PSMF1: variants seen among roughly 807,000 people sequenced by gnomAD.
PSMF1 encodes proteasome inhibitor subunit 1, also known as proteasome inhibitor PI31 subunit.
Under a neutral mutation model 29.3 loss-of-function variants are expected in PSMF1, and 30 were observed. The observed-to-expected ratio is 1.02, with a 90% CI of 0.77 to 1.39. PSMF1 has a LOEUF of 1.39. Among genes scored for constraint, PSMF1 ranks in the 40% most tolerant of loss-of-function variants. The probability of loss-of-function intolerance (pLI) is 0.00; values close to 1 mark genes in which losing one functional copy is unlikely to be tolerated. For synonymous variants in PSMF1, 134 were observed against 139.7 expected (o/e 0.96, Z 0.29); for missense variants, 344 against 357.5 (o/e 0.96, Z 0.31).
intron 4 of PSMF1, among the ~76,000 whole-genome samples, chr20:1,149,478 C>T (rs1158581853): frequency 6.6e-6 from 1 of 152,314 alleles, no homozygotes; most frequent in East Asian, 1.9e-4. Context: ...AATATCATTG[C>T]TAATTTTTGC....
At position 1,164,599 on chromosome 20, in the gene PSMF1, G is replaced by A; in HGVS notation, c.764+123G>A. 7.4e-7 allele frequency: 1 copy of A among 1,347,178 alleles called. No homozygotes were observed. The highest frequency in any genetic ancestry group is 1.0e-6 in the Non-Finnish European group (1 of 979,306). 83.5% of individuals were successfully genotyped at this position (1,347,178 alleles called of 1,614,324 possible). A position where few individuals can be genotyped will look rare whatever the true frequency, so the allele number is the denominator to read the frequency against. ...CGCTGCCTTCACCTGTTGCTGCCAGGAGAGTGGAGCCTCCTCCAGGGCCCT... is the reference window on the plus strand; with the variant it reads ...CGCTGCCTTCACCTGTTGCTGCCAGAAGAGTGGAGCCTCCTCCAGGGCCCT... On this transcript the variant is annotated intron_variant, in intron 6 of 6. Coordinates refer to ENST00000335877, the MANE Select transcript of PSMF1 (RefSeq NM_006814.5). This position sits in a 1 kb window ranked among gnomAD's most constrained non-coding sequence, Gnocchi z 4.1.
rs573948300 is a variant in PSMF1 at position 1,148,980 on chromosome 20, A to G, written c.551+13674A>G. On this transcript the variant is annotated intron_variant, in intron 4 of 6. Coordinates refer to ENST00000335877, the MANE Select transcript of PSMF1 (RefSeq NM_006814.5). ...AAATAAGCCCATTATGTGTTAATAT[A>G]AATAACAAATTCCTGTGAAAATATC... Among the ~76,000 whole-genome samples, 3 of 152,212 alleles carry G rather than the reference A, an allele frequency of 2.0e-5. No homozygotes were observed. The South Asian group carries it at 6.2e-4, about 32-fold the overall frequency.
At chr20:1,137,224 T>C (rs983161918) in intron 4 of PSMF1, among the ~76,000 whole-genome samples, 2 of 152,108 alleles carry the variant, frequency 1.3e-5, no homozygotes, top group African/African-American at 4.8e-5. Context: ...ATTGTGAAAG[T>C]AAAAATCCTA....
intron 4 of PSMF1, among the ~76,000 whole-genome samples, chr20:1,154,846 G>C (rs1160376196): frequency 1.3e-5 from 2 of 152,292 alleles, no homozygotes; most frequent in East Asian, 3.9e-4. Flanking sequence ...ACCACAGCTG[G>C]CACTCCAGAA....
chr20:1,121,870 C>A (rs2086091949), intron 1 of PSMF1, among the ~76,000 whole-genome samples: 1 of 152,110 alleles, frequency 6.6e-6, no homozygotes, highest in Admixed American at 6.5e-5. Context: ...AAGAACTTTA[C>A]AGCTTTGTCA....
At chr20:1,139,814 A>C (rs1359000380) in intron 4 of PSMF1, among the ~76,000 whole-genome samples, 1 of 152,166 alleles carries the variant, frequency 6.6e-6, no homozygotes, top group African/African-American at 2.4e-5. Flanking sequence ...AAAATTAATG[A>C]AATTATCCCA....
rs1032861031 is a variant in PSMF1, at chr20:1,130,015, C to T, written c.365+2507C>T. Among the ~76,000 whole-genome samples, 5 of 152,126 alleles carry T rather than the reference C, an allele frequency of 3.3e-5. No homozygotes were observed. In the South Asian group the frequency reaches 8.3e-4, roughly 25 times the overall value. On this transcript the variant is annotated intron_variant, in intron 3 of 6. Transcript: ENST00000335877. ...TTTAAAAAGGAAGGAAATTCTGGCC[C>T]GTGCTACAACATGGATGAACCTTGA...
chr20:1,132,335 G>A (rs1444966333), intron 3 of PSMF1, among the ~76,000 whole-genome samples: 1 of 151,644 alleles, frequency 6.6e-6, no homozygotes, highest in African/African-American at 2.4e-5. Flanking sequence ...GAGTGCAGTG[G>A]TGTGATCTTG....
intron 1 of PSMF1, among the ~76,000 whole-genome samples, chr20:1,122,873 GT>G (rs2086107734): frequency 6.6e-6 from 1 of 152,158 alleles, no homozygotes; most frequent in South Asian, 2.1e-4. Context: ...AGACCAAATT[GT>G]TTATATTCCA....
intron 4 of PSMF1, among the ~76,000 whole-genome samples, chr20:1,155,188 G>A (rs748357173): frequency 4.5e-4 from 68 of 152,348 alleles, no homozygotes; most frequent in Middle Eastern, 3.4e-3. Context: ...GAACATTGGC[G>A]TGGACGGAGA....
At position 1,164,496 on chromosome 20, in the gene PSMF1, T is replaced by C. The variant is rs1457824722; in HGVS notation, c.764+20T>C. 6.2e-7 allele frequency: 1 copy of C among 1,612,888 alleles called. No individual in the cohort carries two copies. The highest frequency in any genetic ancestry group is 8.5e-7 in the Non-Finnish European group (1 of 1,179,002). ...ACCCGGGTACGTAGTCACTCAGGTA[T>C]GCTGAGAAGTAGGACCTGATGGCAG... is the stretch of plus-strand genomic sequence containing the variant. On this transcript the variant is annotated intron_variant, in intron 6 of 6. Coordinates refer to ENST00000335877, the MANE Select transcript of PSMF1 (RefSeq NM_006814.5). The surrounding 1 kb of genome is among the most constrained non-coding windows in gnomAD (Gnocchi z 4.1).
At position 1,139,959 on chromosome 20, in the gene PSMF1, T is replaced by A. The variant is rs1028059566; in HGVS notation, c.551+4653T>A. Among the ~76,000 whole-genome samples, 9 of 152,096 alleles carry A rather than the reference T, an allele frequency of 5.9e-5. No individual in the cohort carries two copies. The East Asian group carries it at 1.7e-3, about 29-fold the overall frequency. On this transcript the variant is annotated intron_variant, in intron 4 of 6. Transcript: ENST00000335877. ...AAACATTGTTGAAAGAAATTAAAGA[T>A]TTAAGTAAAGGAAAGACATTCTGTG...
intron 4 of PSMF1, among the ~76,000 whole-genome samples, chr20:1,139,068 C>G (rs539241330): frequency 6.6e-6 from 1 of 151,674 alleles, no homozygotes; most frequent in Non-Finnish European, 1.5e-5. Context: ...CCCAGCTACT[C>G]GGTAGGCTGA....
intron 4 of PSMF1, chr20:1,161,491 C>A: frequency 1.9e-6 from 1 of 514,854 alleles, no homozygotes; most frequent in Non-Finnish European, 3.6e-6. Context: ...ACCATGTACC[C>A]AAGCATCTCC....
Position 1,170,739 on chromosome 20 carries a change from T to G in PSMF1, c.*5659T>G, listed in dbSNP as rs1322083957. On this transcript the variant is annotated 3_prime_UTR_variant, in exon 7 of 7. Coordinates refer to ENST00000335877, the MANE Select transcript of PSMF1 (RefSeq NM_006814.5). ...AATAATGTGTCTTATTAACAGAGAG[T>G]TGGGGCTCGGTGGGTGCTTGCTGCA... is the stretch of plus-strand genomic sequence containing the variant. 2.0e-5 allele frequency among the ~76,000 whole-genome samples: 3 copies of G among 151,614 alleles called. No homozygotes were observed. Among genetic ancestry groups the G allele is most frequent in the East Asian group, 1.9e-4 (1 of 5,180 alleles).
chr20:1,157,794 G>T (rs1463627141), intron 4 of PSMF1, among the ~76,000 whole-genome samples: 1 of 151,934 alleles, frequency 6.6e-6, no homozygotes, highest in Non-Finnish European at 1.5e-5. Flanking sequence ...CCCAAAAAGG[G>T]TCACTTCATT....
At chr20:1,122,559 C>T (rs2086103373) in intron 1 of PSMF1, among the ~76,000 whole-genome samples, 1 of 152,134 alleles carries the variant, frequency 6.6e-6, no homozygotes, top group African/African-American at 2.4e-5. Flanking sequence ...CTCTGCCTCC[C>T]AAAGGGCTGG....
At position 1,165,593 on chromosome 20, in the gene PSMF1, A is replaced by C. The variant is rs1331370861; in HGVS notation, c.*513A>C. On this transcript the variant is annotated 3_prime_UTR_variant, in exon 7 of 7. Coordinates refer to ENST00000335877, the MANE Select transcript of PSMF1 (RefSeq NM_006814.5). ...TGCCCAGGGCCCATTCTTGCTTCTC[A>C]GGCACCTTCCGTTTATTAATTGCCA... 1.0e-6 allele frequency: 1 copy of C among 994,754 alleles called. No individual in the cohort carries two copies. The highest frequency in any genetic ancestry group is 1.2e-6 in the Non-Finnish European group (1 of 835,444). 61.6% of individuals were successfully genotyped at this position (994,754 alleles called of 1,614,324 possible). A position where few individuals can be genotyped will look rare whatever the true frequency, so the allele number is the denominator to read the frequency against.
chr20:1,125,626 G>A lies in PSMF1; in HGVS notation c.258G>A (p.Glu86=). 6 of 1,613,470 alleles carry A rather than the reference G, an allele frequency of 3.7e-6. No individual in the cohort carries two copies. Among genetic ancestry groups the A allele is most frequent in the Non-Finnish European group, 5.1e-6 (6 of 1,179,654 alleles). Residue 86 remains glutamate (E), a synonymous_variant, in exon 2 of 7, where the codon GAG becomes GAA. Transcript: ENST00000335877. The part of the protein sequence containing the change: ...RKLLVKAITV[E]SSMILNVLEY... ...TCCTTGTGAAAGCCATCACCGTGGAGAGCAGCATGATCCTCAATGTGCTGG... is the reference window on the plus strand; with the variant it reads ...TCCTTGTGAAAGCCATCACCGTGGAAAGCAGCATGATCCTCAATGTGCTGG...
Sources: gnomAD v4.1 joint callset for allele counts (sites outside exome capture counted in the v4.1 genomes callset) on GRCh38, gnomAD v4.1.1 for gene constraint, Gnocchi (gnomAD v3.1) non-coding constraint, MANE v1.5 for transcripts, NCBI Gene and HGNC (gene_info 2026-07-23, HGNC 2026-07-21) for gene names.